The following TRMT2B variants were observed in gnomAD, a reference collection of about 807,000 sequenced individuals.
TRMT2B encodes the protein tRNA methyltransferase 2B.
TRMT2B carries 34 observed loss-of-function variants against 39.7 expected under a neutral mutation model. The ratio of observed to expected loss-of-function variants is 0.86; its 90% CI spans 0.65 to 1.14. The LOEUF (loss-of-function observed/expected upper bound fraction) is 1.14. TRMT2B is among the 50% of genes most tolerant of loss of function. TRMT2B has a pLI of 0.00. For missense variants in TRMT2B, 318 were observed against 377.2 expected, an observed-to-expected ratio of 0.84 and a Z score of 1.30; for synonymous variants, 132 against 137.3, an observed-to-expected ratio of 0.96 and a Z score of 0.27.
chrX:100,973,558 A>G, the TRMT2B span: 1 of 928,933 alleles, frequency 1.1e-6, no homozygotes, highest in Non-Finnish European at 1.5e-6. Context: ...GAAGTAATAG[A>G]CTTCTAACAA....
At chrX:101,038,718 A>G (rs1442728660) in intron 4 of TRMT2B, among the ~76,000 whole-genome samples, 1 of 111,993 alleles carries the variant, frequency 8.9e-6, no homozygotes. Context: ...GAGCACTTGA[A>G]ATGTGGTCAG....
the TRMT2B span, among the ~76,000 whole-genome samples, chrX:100,997,378 A>C: frequency 8.9e-6 from 1 of 112,252 alleles, no homozygotes; most frequent in Non-Finnish European, 1.9e-5. Flanking sequence ...TACACTGATC[A>C]AAACTATCAC....
chrX:100,973,641 T>C, the TRMT2B span: 1 of 1,170,812 alleles, frequency 8.5e-7, no homozygotes. Flanking sequence ...TAACAGGACT[T>C]ACTTCTTATT....
intron 2 of TRMT2B, among the ~76,000 whole-genome samples, chrX:101,049,783 CAA>C (rs60650761): frequency 7.6e-4 from 63 of 82,900 alleles, no homozygotes; most frequent in Middle Eastern, 6.1e-3. Flanking sequence ...GACTCCTTCT[CAA>C]AAAAAAAAAA....
chrX:100,994,645 G>A, the TRMT2B span, among the ~76,000 whole-genome samples: 7 of 111,986 alleles, frequency 6.3e-5, no homozygotes, highest in Non-Finnish European at 1.3e-4. Flanking sequence ...CATATAGTTA[G>A]CACGCAGCAA....
At chrX:101,014,000 T>C (rs1337376437) in intron 13 of TRMT2B, among the ~76,000 whole-genome samples, 5 of 110,857 alleles carry the variant, frequency 4.5e-5, no homozygotes, top group South Asian at 3.8e-4. Context: ...GGTGGAAGGA[T>C]TGCTTGAGCC....
At position 101,021,130 on chromosome X, in the gene TRMT2B, G is replaced by A; in HGVS notation, c.1037C>T (p.Thr346Ile). 1 of 1,211,114 alleles carries A rather than the reference G, an allele frequency of 8.3e-7. No individual in the cohort carries two copies. The change falls in exon 10 of 14, where the codon ACC becomes ATC. Residue 346 changes from threonine (T) to isoleucine (I), a missense_variant. Thr to Ile is a moderately conservative substitution (Grantham distance 89). Transcript: ENST00000372936. ...VGELTGVNSD[T>I]ILLDICCGTG... ...TCCACAGCAGATGTCAAGAAGGATG[G>A]TGTCAGAGTTCACTCCAGTCAGCTC...
At chrX:101,022,607 C>T (rs911917432) in intron 8 of TRMT2B, among the ~76,000 whole-genome samples, 1 of 99,236 alleles carries the variant, frequency 1.0e-5, no homozygotes, top group African/African-American at 3.8e-5. Flanking sequence ...GGTGAAGAAG[C>T]GAGACTCTGT....
chrX:101,036,444 C>CAA (rs776144105), intron 6 of TRMT2B, among the ~76,000 whole-genome samples: 3,029 of 21,571 alleles, frequency 0.14, 202 homozygotes, highest in African/African-American at 0.21. Context: ...GACTCCATCT[C>CAA]AAAAAAAAAA....
chrX:101,022,878 T>G (rs1359262454), intron 8 of TRMT2B, among the ~76,000 whole-genome samples: 1 of 111,818 alleles, frequency 8.9e-6, no homozygotes, highest in Non-Finnish European at 1.9e-5. Context: ...CAATAAACCA[T>G]GTAGGAACAA....
the TRMT2B span, among the ~76,000 whole-genome samples, chrX:100,985,090 T>C: frequency 9.0e-6 from 1 of 111,672 alleles, no homozygotes; most frequent in African/African-American, 3.3e-5. Flanking sequence ...AAGATCAAAA[T>C]TGACATTTTA....
rs1374524701 is a variant in TRMT2B at position 101,022,066 on chromosome X, C to T, written c.757-4G>A. The T allele has an allele frequency of 8.4e-7, 1 of 1,196,206 alleles. No homozygotes were observed. The highest frequency in any genetic ancestry group is 2.2e-5 in the Admixed American group (1 of 45,935). On this transcript the variant is annotated splice_polypyrimidine_tract_variant and splice_region_variant and intron_variant, in intron 8 of 13. Transcript: ENST00000372936. ...CCTTCTGAACATGGAGCTCCTCCTG[C>T]CCAGACCATAAAATTAGCAGTTAAG...
At chrX:100,990,291 C>T in the TRMT2B span, 1 of 840,741 alleles carries the variant, frequency 1.2e-6, no homozygotes, top group Non-Finnish European at 1.4e-6. Context: ...TGGCACTTGG[C>T]TTCACTTACA....
At chrX:100,980,934 C>T in the TRMT2B span, among the ~76,000 whole-genome samples, 2 of 111,841 alleles carry the variant, frequency 1.8e-5, no homozygotes, top group African/African-American at 3.3e-5. Flanking sequence ...CTGCCTGGTA[C>T]TTTATTTTCC....
intron 7 of TRMT2B, among the ~76,000 whole-genome samples, chrX:101,026,065 G>C (rs1268445007): frequency 1.8e-5 from 2 of 108,407 alleles, no homozygotes; most frequent in Admixed American, 1.0e-4. Flanking sequence ...AGGGAGGGAG[G>C]AAGGAAGGAA....
the TRMT2B span, chrX:100,988,242 C>A: frequency 5.0e-6 from 6 of 1,207,335 alleles, no homozygotes; most frequent in Admixed American, 1.3e-4. Context: ...GCATCTAGAA[C>A]AATGCTCAAT....
intron 4 of TRMT2B, among the ~76,000 whole-genome samples, chrX:101,039,673 G>A (rs776820219): frequency 2.7e-5 from 3 of 111,546 alleles, no homozygotes; most frequent in South Asian, 3.7e-4. Context: ...TGAAGCAGGC[G>A]GATCGCTTGC....
In TRMT2B at chrX:101,036,367, C is replaced by T. The variant is rs2087834143; in HGVS notation, c.538+607G>A. ...GGCTCAGACAGGAGAATCACTTGAACTCGGGAGGCGGAGGTTGCAGTGAGC... is the reference window on the plus strand; with the variant it reads ...GGCTCAGACAGGAGAATCACTTGAATTCGGGAGGCGGAGGTTGCAGTGAGC... On this transcript the variant is annotated intron_variant, in intron 6 of 13. Coordinates refer to ENST00000372936, the MANE Select transcript of TRMT2B (RefSeq NM_024917.6). Among the ~76,000 whole-genome samples, 3 of 104,429 alleles carry T rather than the reference C, an allele frequency of 2.9e-5. No individual in the cohort carries two copies. The Admixed American group carries it at 3.2e-4, about 11-fold the overall frequency. The allele number at this position is 104,429 out of a possible 115,157, so 90.7% of individuals were successfully genotyped here.
Position 101,021,297 on chromosome X carries a change from GC to G in TRMT2B, c.869del (p.Ser290ThrfsTer21), listed in dbSNP as rs1458236371. 8.3e-7 allele frequency: 1 copy of G among 1,207,663 alleles called. No individual in the cohort carries two copies. The highest frequency in any genetic ancestry group is 3.0e-5 in the East Asian group (1 of 33,723). On this transcript the variant is annotated frameshift_variant, in exon 10 of 14. Coordinates refer to ENST00000372936, the MANE Select transcript of TRMT2B (RefSeq NM_024917.6). LOFTEE classifies it high-confidence loss of function. ...YFQESTMTRC[S>X]HQQSPYQLLF... ...GAAGCTGATAGGGAGACTGCTGATGGCTGCAACGGGTCATGGTACTGGAAAG... is the reference window on the plus strand; with the variant it reads ...GAAGCTGATAGGGAGACTGCTGATGGTGCAACGGGTCATGGTACTGGAAAG...
Sources: allele counts gnomAD v4.1 joint callset (sites outside exome capture counted in the v4.1 genomes callset), GRCh38; gene constraint gnomAD v4.1.1; transcripts MANE v1.5; gene names NCBI Gene and HGNC (gene_info 2026-07-23, HGNC 2026-07-21).